TRABD2B: variants seen among roughly 807,000 people sequenced by gnomAD.
TRABD2B encodes metalloprotease TIKI2.
TRABD2B carries 14 observed loss-of-function variants against 40.1 expected under a neutral mutation model. That is an observed-to-expected ratio of 0.35 (90% CI 0.23 to 0.55). The LOEUF is 0.55. Among genes scored for constraint, TRABD2B ranks in the 20% least tolerant of loss-of-function variants. TRABD2B has a pLI of 0.90. For missense variants in TRABD2B, 541 were observed against 648.6 expected, an observed-to-expected ratio of 0.83 and a Z score of 1.80; for synonymous variants, 263 against 277.0, an observed-to-expected ratio of 0.95 and a Z score of 0.50.
At chr1:47,893,083 C>T (rs571780457) in intron 2 of TRABD2B, among the ~76,000 whole-genome samples, 3 of 152,272 alleles carry the variant, frequency 2.0e-5, no homozygotes, top group Admixed American at 2.0e-4. Flanking sequence ...GGTCTATGTC[C>T]AGACGCAGTG....
intron 2 of TRABD2B, among the ~76,000 whole-genome samples, chr1:47,892,163 G>C (rs1189237770): frequency 6.6e-6 from 1 of 152,242 alleles, no homozygotes; most frequent in Admixed American, 6.5e-5. Flanking sequence ...CCATGGTGCT[G>C]AACAGGAAGG....
intron 2 of TRABD2B, among the ~76,000 whole-genome samples, chr1:47,920,394 C>T (rs553616121): frequency 6.6e-6 from 1 of 152,330 alleles, no homozygotes; most frequent in Admixed American, 6.5e-5. Context: ...CAAAATGATG[C>T]ATGACCTAGA....
intron 2 of TRABD2B, among the ~76,000 whole-genome samples, chr1:47,950,519 G>C (rs905548433): frequency 6.6e-6 from 1 of 152,178 alleles, no homozygotes; most frequent in Non-Finnish European, 1.5e-5. Context: ...AATGGGAAAA[G>C]ACAAGGGAGA....
Position 47,795,826 on chromosome 1 carries a change from C to T in TRABD2B, c.814-1066G>A, listed in dbSNP as rs1411041369. 3 of 495,088 alleles carry T rather than the reference C, an allele frequency of 6.1e-6. No individual in the cohort carries two copies. In the East Asian group the frequency reaches 4.5e-4, roughly 75 times the overall value. 30.7% of individuals were successfully genotyped at this position (495,088 alleles called of 1,614,324 possible). A position where few individuals can be genotyped will look rare whatever the true frequency, so the allele number is the denominator to read the frequency against. On this transcript the variant is annotated intron_variant, in intron 3 of 6. Coordinates refer to ENST00000606738, the MANE Select transcript of TRABD2B (RefSeq NM_001194986.2). Reference sequence around the variant, plus strand: ...TCCATCCCTTTTTGAATACCTCAACCCCAGGACCATGGCTTCCCCCAAGTT... The same window carrying T: ...TCCATCCCTTTTTGAATACCTCAACTCCAGGACCATGGCTTCCCCCAAGTT...
At chr1:47,824,300 A>G (rs1645147311) in intron 2 of TRABD2B, among the ~76,000 whole-genome samples, 1 of 152,114 alleles carries the variant, frequency 6.6e-6, no homozygotes, top group Admixed American at 6.5e-5. Context: ...CGCCAGTTCC[A>G]CAGAGGCAGG....
chr1:47,938,647 G>C lies in TRABD2B; in HGVS notation c.666+55387C>G, dbSNP rs560434128. On this transcript the variant is annotated intron_variant, in intron 2 of 6. Transcript: ENST00000606738. ...TCTCTGGGATTGAGAATGGGAAATG[G>C]AGAAGAGAGATCTCCCACTTTCCTT... Among the ~76,000 whole-genome samples the C allele has an allele frequency of 3.9e-5, 6 of 152,282 alleles. No individual in the cohort carries two copies. The East Asian group carries it at 1.2e-3, about 29-fold the overall frequency.
intron 2 of TRABD2B, among the ~76,000 whole-genome samples, chr1:47,869,795 C>T (rs1005572862): frequency 6.6e-5 from 10 of 152,190 alleles, no homozygotes; most frequent in Non-Finnish European, 1.5e-4. Flanking sequence ...CAATCACATG[C>T]GGTTTGGGAA....
chr1:47,894,700 G>C (rs1644493564), intron 2 of TRABD2B, among the ~76,000 whole-genome samples: 1 of 152,218 alleles, frequency 6.6e-6, no homozygotes, highest in African/African-American at 2.4e-5. Context: ...GTATGTGTGA[G>C]TGCTGGTAGT....
At chr1:47,839,015 C>T (rs776674475) in intron 2 of TRABD2B, among the ~76,000 whole-genome samples, 17 of 152,206 alleles carry the variant, frequency 1.1e-4, no homozygotes, top group Non-Finnish European at 1.8e-4. Context: ...TGGGTTGGCA[C>T]GGAGGCCATC....
At chr1:47,868,820 C>G (rs369043881) in intron 2 of TRABD2B, among the ~76,000 whole-genome samples, 14 of 152,278 alleles carry the variant, frequency 9.2e-5, no homozygotes, top group African/African-American at 2.9e-4. Context: ...TGCCTAGAAA[C>G]ATAAAGGAAT....
intron 2 of TRABD2B, among the ~76,000 whole-genome samples, chr1:47,847,805 G>A (rs776789768): frequency 6.6e-6 from 1 of 152,186 alleles, no homozygotes; most frequent in Non-Finnish European, 1.5e-5. Flanking sequence ...TAAATCGGCC[G>A]AGCTGTTCAG....
chr1:47,882,433 C>G (rs1290554856), intron 2 of TRABD2B, among the ~76,000 whole-genome samples: 1 of 152,214 alleles, frequency 6.6e-6, no homozygotes, highest in Admixed American at 6.5e-5. Flanking sequence ...CAGACCTTTG[C>G]AAAAGTCTTA....
At chr1:47,964,607 T>C (rs1033253946) in intron 2 of TRABD2B, among the ~76,000 whole-genome samples, 1 of 152,190 alleles carries the variant, frequency 6.6e-6, no homozygotes, top group Non-Finnish European at 1.5e-5. Context: ...GATATTGATA[T>C]ATTTTGGGGG....
At chr1:47,856,643 C>G (rs1419954181) in intron 2 of TRABD2B, among the ~76,000 whole-genome samples, 1 of 152,170 alleles carries the variant, frequency 6.6e-6, no homozygotes, top group Non-Finnish European at 1.5e-5. Flanking sequence ...CACTTCACTC[C>G]AACCATGCAC....
intron 2 of TRABD2B, among the ~76,000 whole-genome samples, chr1:47,840,662 T>C (rs1423065236): frequency 6.6e-6 from 1 of 152,136 alleles, no homozygotes; most frequent in African/African-American, 2.4e-5. Context: ...ACATCTTTAA[T>C]TGGAATCAGG....
intron 2 of TRABD2B, among the ~76,000 whole-genome samples, chr1:47,895,349 C>T (rs1014563799): frequency 3.9e-5 from 6 of 152,196 alleles, no homozygotes; most frequent in South Asian, 2.1e-4. Context: ...GAGCACTGAG[C>T]GAGCTGTGGG....
At chr1:47,833,986 C>A (rs1459641902) in intron 2 of TRABD2B, among the ~76,000 whole-genome samples, 2 of 152,202 alleles carry the variant, frequency 1.3e-5, no homozygotes, top group South Asian at 2.1e-4. Context: ...CCCTATTACC[C>A]ATACGCCTTC....
intron 2 of TRABD2B, among the ~76,000 whole-genome samples, chr1:47,910,942 T>C (rs968379887): frequency 4.6e-5 from 7 of 152,092 alleles, no homozygotes; most frequent in African/African-American, 1.7e-4. Context: ...CGGGTCTAAT[T>C]CTGGGCTCTG....
chr1:47,782,984 C>G (rs1215204405), intron 4 of TRABD2B, among the ~76,000 whole-genome samples: 2 of 152,186 alleles, frequency 1.3e-5, no homozygotes, highest in East Asian at 3.9e-4. Flanking sequence ...TCCATTTCAT[C>G]TGCTGAGGCC....
Sources: allele counts gnomAD v4.1 joint callset (sites outside exome capture counted in the v4.1 genomes callset), GRCh38; gene constraint gnomAD v4.1.1; transcripts MANE v1.5; gene names NCBI Gene and HGNC (gene_info 2026-07-23, HGNC 2026-07-21).